Variants in R3HDM2 observed in about 807,000 individuals in gnomAD.
R3HDM2 encodes the protein R3H domain-containing protein 2.
R3HDM2 carries 38 observed loss-of-function variants against 124.5 expected under a neutral mutation model. The ratio of observed to expected loss-of-function variants is 0.31; its 90% CI spans 0.24 to 0.40. The LOEUF is 0.40. R3HDM2 is among the 10% of genes least tolerant of loss of function. The pLI is 1.00. For synonymous variants in R3HDM2, 391 were observed against 448.0 expected (o/e 0.87, Z 1.61); for missense variants, 869 against 1,236.9 (o/e 0.70, Z 4.46).
At chr12:57,411,221 A>G (rs371603902) in intron 1 of R3HDM2, among the ~76,000 whole-genome samples, 11 of 152,164 alleles carry the variant, frequency 7.2e-5, no homozygotes, top group African/African-American at 2.4e-4. Flanking sequence ...TGTTTTTTTG[A>G]GACAGCATCT....
chr12:57,409,525 A>AG (rs398044362), intron 1 of R3HDM2, among the ~76,000 whole-genome samples: 2 of 150,852 alleles, frequency 1.3e-5, no homozygotes, highest in African/African-American at 4.9e-5. Context: ...AAAAAAAAAA[A>AG]GAAAAAGAAA....
chr12:57,424,596 G>T (rs188621666), intron 1 of R3HDM2, among the ~76,000 whole-genome samples: 2 of 152,212 alleles, frequency 1.3e-5, no homozygotes, highest in East Asian at 3.9e-4. Context: ...AGGATTTCTT[G>T]ATGCCCATAC....
intron 16 of R3HDM2, 53 bp downstream of exon 16, chr12:57,269,270 C>T: frequency 6.2e-7 from 1 of 1,601,172 alleles, no homozygotes; most frequent in South Asian, 1.1e-5. Flanking sequence ...TCTTTCTTTC[C>T]TGGTGTGCCC....
chr12:57,355,320 G>T (rs541588929), intron 2 of R3HDM2, among the ~76,000 whole-genome samples: 1 of 151,398 alleles, frequency 6.6e-6, no homozygotes, highest in Non-Finnish European at 1.5e-5. Flanking sequence ...TTAGCCGGGC[G>T]TAGTGGCAGG....
At chr12:57,266,198 G>C (rs2042364124) in intron 19 of R3HDM2, among the ~76,000 whole-genome samples, 1 of 150,496 alleles carries the variant, frequency 6.6e-6, no homozygotes. Context: ...CCAGGTTCAA[G>C]TGATTCTCGT....
chr12:57,325,102 A>C (rs977285453), intron 2 of R3HDM2, among the ~76,000 whole-genome samples: 2 of 152,172 alleles, frequency 1.3e-5, no homozygotes, highest in African/African-American at 4.8e-5. Context: ...CTACAAAACT[A>C]TAAGAAAATA....
chr12:57,260,592 A>T (rs754034875), intron 19 of R3HDM2, among the ~76,000 whole-genome samples: 3 of 152,124 alleles, frequency 2.0e-5, no homozygotes, highest in African/African-American at 4.8e-5. Context: ...CTTCCCCGCA[A>T]GGGATTGTCT....
chr12:57,259,915 C>T (rs992496812), intron 19 of R3HDM2, among the ~76,000 whole-genome samples: 9 of 151,940 alleles, frequency 5.9e-5, no homozygotes, highest in African/African-American at 1.5e-4. Flanking sequence ...CTAACTCAAA[C>T]GGCCAAATGT....
At chr12:57,430,489 G>GCCCCCCCCCCCCCCCCCCCCCC in intron 1 of R3HDM2, 1 of 790,576 alleles carries the variant, frequency 1.3e-6, no homozygotes, top group Non-Finnish European at 1.5e-6. Flanking sequence ...CCACCCCCCT[G>GCCCCCCCCCCCCCCCCCCCCCC]CCCCCGCACC....
At chr12:57,428,445 C>CA (rs1868512316) in intron 1 of R3HDM2, among the ~76,000 whole-genome samples, 1 of 146,830 alleles carries the variant, frequency 6.8e-6, no homozygotes, top group Non-Finnish European at 1.5e-5. Context: ...TCCTGGCTAA[C>CA]ACAGTGAAAC....
intron 11 of R3HDM2, among the ~76,000 whole-genome samples, chr12:57,291,515 G>T (rs536337131): frequency 6.6e-6 from 1 of 151,700 alleles, no homozygotes; most frequent in Non-Finnish European, 1.5e-5. Flanking sequence ...TTAGCCAGGC[G>T]TGGTAATGCG....
chr12:57,280,243 G>T, intron 14 of R3HDM2, 115 bp downstream of exon 14: 11 of 1,076,308 alleles, frequency 1.0e-5, no homozygotes, highest in Non-Finnish European at 1.4e-5. Context: ...GGAGAGAGTG[G>T]CATGTCTCCA....
At chr12:57,377,231 A>T (rs2064209806) in intron 2 of R3HDM2, among the ~76,000 whole-genome samples, 1 of 152,096 alleles carries the variant, frequency 6.6e-6, no homozygotes, top group Non-Finnish European at 1.5e-5. Flanking sequence ...CCAGTAACTA[A>T]CAGAAAGTCT....
At chr12:57,363,276 T>C (rs2137655187) in intron 2 of R3HDM2, among the ~76,000 whole-genome samples, 1 of 152,100 alleles carries the variant, frequency 6.6e-6, no homozygotes, top group East Asian at 1.9e-4. Context: ...TATTGTGACA[T>C]AATTCATATA....
chr12:57,288,725 GT>G (rs2047955137), intron 12 of R3HDM2: 1 of 770,706 alleles, frequency 1.3e-6, no homozygotes, highest in South Asian at 1.8e-5. Flanking sequence ...AATATCCAAT[GT>G]TGCAAAAACC....
At chr12:57,292,924 C>T (rs1442553485) in intron 10 of R3HDM2, among the ~76,000 whole-genome samples, 8 of 109,622 alleles carry the variant, frequency 7.3e-5, no homozygotes, top group African/African-American at 2.8e-4. Flanking sequence ...AGAATAACAA[C>T]TATTTATAAG....
chr12:57,268,206 C>T, intron 18 of R3HDM2, 97 bp downstream of exon 18: 2 of 1,376,974 alleles, frequency 1.5e-6, no homozygotes, highest in Non-Finnish European at 2.0e-6. Flanking sequence ...GGATCTTTAC[C>T]CCTGCCTTTC....
intron 2 of R3HDM2, among the ~76,000 whole-genome samples, chr12:57,330,258 G>A (rs1271809979): frequency 6.6e-6 from 1 of 151,808 alleles, no homozygotes; most frequent in Admixed American, 6.6e-5. Flanking sequence ...GAACCACCGT[G>A]CCTGGCCAGA....
At chr12:57,272,497 G>A (rs771769057) in intron 14 of R3HDM2, 25 of 1,550,224 alleles carry the variant, frequency 1.6e-5, no homozygotes, top group Non-Finnish European at 2.1e-5. Context: ...AGGACTTGGG[G>A]ACAGGAGCTT....
Sources: allele counts gnomAD v4.1 joint callset (sites outside exome capture counted in the v4.1 genomes callset), GRCh38; gene constraint gnomAD v4.1.1; transcripts MANE v1.5; gene names NCBI Gene and HGNC (gene_info 2026-07-23, HGNC 2026-07-21).